Variants in LUZP2 observed in about 807,000 individuals in gnomAD.
LUZP2 encodes the protein leucine zipper protein 2.
LUZP2 carries 52 observed loss-of-function variants against 51.6 expected under a neutral mutation model. That is an observed-to-expected ratio of 1.01 (90% CI 0.81 to 1.27). LUZP2 has a LOEUF of 1.27. Among genes scored for constraint, LUZP2 ranks in the 50% most tolerant of loss-of-function variants. LUZP2 has a pLI of 0.00. For missense variants in LUZP2, 436 were observed against 395.4 expected, an observed-to-expected ratio of 1.10 and a Z score of -0.87; for synonymous variants, 154 against 137.3, an observed-to-expected ratio of 1.12 and a Z score of -0.85.
Position 24,980,533 on chromosome 11 carries a change from A to C in LUZP2, c.598-2593A>C, listed in dbSNP as rs1402442909. ...CTCTGGAGGGTTTGCTTAATTTTTT[A>C]TATAACAAGCGTGTGTTGTGTTAGA... On this transcript the variant is annotated intron_variant, in intron 8 of 11. Transcript: ENST00000336930. Among the ~76,000 whole-genome samples, 6 of 151,712 alleles carry C rather than the reference A, an allele frequency of 4.0e-5. No individual in the cohort carries two copies. The East Asian group carries it at 1.2e-3, about 29-fold the overall frequency.
intron 10 of LUZP2, among the ~76,000 whole-genome samples, chr11:25,055,166 A>C (rs1239573472): frequency 3.3e-5 from 5 of 149,502 alleles, no homozygotes; most frequent in Admixed American, 6.6e-5. Context: ...GCCTGCCACC[A>C]TGACCAGCTA....
chr11:24,913,116 G>T (rs7478820), intron 6 of LUZP2, among the ~76,000 whole-genome samples: 87,691 of 151,968 alleles, frequency 0.58, 25,757 homozygotes, highest in East Asian at 0.83. Flanking sequence ...TTGACCAATG[G>T]ATAGATTCAA....
chr11:25,010,883 C>T (rs775532546), intron 9 of LUZP2, among the ~76,000 whole-genome samples: 11 of 152,034 alleles, frequency 7.2e-5, no homozygotes, highest in South Asian at 2.1e-4. Flanking sequence ...AACAACACTG[C>T]GAAGTGGTAG....
At chr11:24,510,976 C>G (rs1204567063) in intron 1 of LUZP2, among the ~76,000 whole-genome samples, 3 of 152,078 alleles carry the variant, frequency 2.0e-5, no homozygotes, top group Non-Finnish European at 4.4e-5. Context: ...TAAATAGCAG[C>G]ATGGAGGAAG....
At chr11:25,012,044 T>C (rs1380561344) in intron 9 of LUZP2, among the ~76,000 whole-genome samples, 1 of 152,136 alleles carries the variant, frequency 6.6e-6, no homozygotes, top group Non-Finnish European at 1.5e-5. Flanking sequence ...AAATGGTTCA[T>C]TTTTAGGAAA....
intron 1 of LUZP2, among the ~76,000 whole-genome samples, chr11:24,635,364 T>C (rs1317836117): frequency 1.3e-5 from 2 of 152,086 alleles, no homozygotes. Flanking sequence ...AAAAAATTGA[T>C]TTTTGAACAA....
At chr11:24,826,054 T>G (rs957557680) in intron 5 of LUZP2, among the ~76,000 whole-genome samples, 4 of 150,082 alleles carry the variant, frequency 2.7e-5, no homozygotes, top group African/African-American at 9.8e-5. Context: ...GCGCCTGTAG[T>G]CCCAGCTACT....
chr11:24,803,199 G>A (rs753184986), intron 5 of LUZP2, among the ~76,000 whole-genome samples: 15 of 151,962 alleles, frequency 9.9e-5, no homozygotes, highest in African/African-American at 3.4e-4. Flanking sequence ...TCAAAAATGG[G>A]CAAAAGACAT....
At chr11:24,671,153 A>G (rs973697020) in intron 1 of LUZP2, among the ~76,000 whole-genome samples, 3 of 151,928 alleles carry the variant, frequency 2.0e-5, no homozygotes, top group African/African-American at 4.8e-5. Flanking sequence ...TAGAAATGAC[A>G]TATTTTTGGG....
At chr11:25,038,007 C>T (rs1467311832) in intron 9 of LUZP2, among the ~76,000 whole-genome samples, 5 of 151,730 alleles carry the variant, frequency 3.3e-5, no homozygotes, top group African/African-American at 1.2e-4. Context: ...TGTCAACCTC[C>T]CTAGCAAAAT....
At chr11:25,066,530 A>T (rs1014984619) in intron 10 of LUZP2, among the ~76,000 whole-genome samples, 2 of 151,994 alleles carry the variant, frequency 1.3e-5, no homozygotes, top group Non-Finnish European at 2.9e-5. Flanking sequence ...AGGGGCTCTA[A>T]GTGTAGCCAT....
At chr11:24,897,318 A>C (rs1590703221) in intron 5 of LUZP2, among the ~76,000 whole-genome samples, 1 of 152,116 alleles carries the variant, frequency 6.6e-6, no homozygotes, top group Non-Finnish European at 1.5e-5. Context: ...AGTAGTAGCA[A>C]CCCGCCTCTG....
chr11:24,549,819 A>G (rs1184504274), intron 1 of LUZP2, among the ~76,000 whole-genome samples: 1 of 152,058 alleles, frequency 6.6e-6, no homozygotes, highest in African/African-American at 2.4e-5. Context: ...CCCCAACGTT[A>G]ACTAAAACCA....
intron 1 of LUZP2, among the ~76,000 whole-genome samples, chr11:24,630,019 T>G (rs1318336138): frequency 6.6e-6 from 1 of 150,718 alleles, no homozygotes; most frequent in Non-Finnish European, 1.5e-5. Context: ...ATTTTTTTTT[T>G]GCCAACTGTT....
chr11:25,002,242 A>G (rs1317299175), intron 9 of LUZP2, among the ~76,000 whole-genome samples: 2 of 152,234 alleles, frequency 1.3e-5, no homozygotes, highest in Admixed American at 1.3e-4. Context: ...TAACTATGGC[A>G]TAACCTGCTC....
chr11:24,590,518 TA>T (rs1301220780), intron 1 of LUZP2, among the ~76,000 whole-genome samples: 8 of 152,168 alleles, frequency 5.3e-5, no homozygotes, highest in African/African-American at 1.2e-4. Context: ...AACTTTATAA[TA>T]ATGACACTAT....
At chr11:24,638,194 C>A (rs1855167711) in intron 1 of LUZP2, among the ~76,000 whole-genome samples, 1 of 151,648 alleles carries the variant, frequency 6.6e-6, no homozygotes, top group Admixed American at 6.6e-5. Flanking sequence ...AGATAGATGT[C>A]TAATATGTAA....
chr11:24,524,862 G>T (rs948009114), intron 1 of LUZP2, among the ~76,000 whole-genome samples: 1 of 151,598 alleles, frequency 6.6e-6, no homozygotes, highest in Non-Finnish European at 1.5e-5. Context: ...TATGAATGAG[G>T]CTTAAGGGGA....
chr11:24,652,745 A>G (rs1366068898), intron 1 of LUZP2, among the ~76,000 whole-genome samples: 1 of 152,144 alleles, frequency 6.6e-6, no homozygotes, highest in Admixed American at 6.6e-5. Flanking sequence ...CTTCACATTT[A>G]TTCCTATATA....
Sources: gnomAD v4.1 joint callset for allele counts (sites outside exome capture counted in the v4.1 genomes callset) on GRCh38, gnomAD v4.1.1 for gene constraint, MANE v1.5 for transcripts, NCBI Gene and HGNC (gene_info 2026-07-23, HGNC 2026-07-21) for gene names.